TAOK1: variants seen among roughly 807,000 people sequenced by gnomAD.
TAOK1 encodes serine/threonine-protein kinase TAO1.
In TAOK1, 21 loss-of-function variants were observed where a neutral mutation model predicts 138.3. The observed-to-expected ratio is 0.15, with a 90% CI of 0.11 to 0.22. TAOK1 has a LOEUF of 0.22. Ranked by LOEUF, TAOK1 falls within the 10% of genes least tolerant of loss-of-function variation. The pLI, the probability that TAOK1 is intolerant of heterozygous loss-of-function variation, is 1.00. For synonymous variants in TAOK1, 361 were observed against 398.4 expected (o/e 0.91, Z 1.12); for missense variants, 651 against 1,227.7 (o/e 0.53, Z 7.02).
intron 14 of TAOK1, among the ~76,000 whole-genome samples, chr17:29,510,421 A>G (rs749071171): frequency 6.6e-6 from 1 of 152,212 alleles, no homozygotes; most frequent in East Asian, 1.9e-4. Context: ...AAAGATATGC[A>G]CCAAAATGTT....
intron 3 of TAOK1, 58 bp from the exon 4 acceptor site, chr17:29,475,612 A>G (rs563594248): frequency 1.7e-6 from 2 of 1,158,928 alleles, no homozygotes; most frequent in Admixed American, 4.3e-5. Flanking sequence ...TTTTATTCTT[A>G]TATAACTTTC....
chr17:29,519,553 C>G (rs368049684), intron 16 of TAOK1, among the ~76,000 whole-genome samples: 3 of 151,900 alleles, frequency 2.0e-5, no homozygotes, highest in East Asian at 3.9e-4. Flanking sequence ...AAAAATTATT[C>G]TCATTATTAG....
chr17:29,479,428 A>T (rs1046011500), intron 6 of TAOK1, among the ~76,000 whole-genome samples: 4 of 152,134 alleles, frequency 2.6e-5, no homozygotes, highest in African/African-American at 4.8e-5. Flanking sequence ...CAAGCTAGTA[A>T]ATAAGTGAGT....
intron 10 of TAOK1, among the ~76,000 whole-genome samples, chr17:29,494,825 C>CAAAAA (rs368548444): frequency 1.2e-4 from 6 of 48,248 alleles, no homozygotes; most frequent in South Asian, 6.4e-4. Context: ...GACTCCGTCT[C>CAAAAA]AAAAAAAAAA....
chr17:29,400,992 C>T (rs1904822977), intron 1 of TAOK1, among the ~76,000 whole-genome samples: 1 of 149,546 alleles, frequency 6.7e-6, no homozygotes, highest in Non-Finnish European at 1.5e-5. Flanking sequence ...TTCACTGCGG[C>T]CTCCACCTCC....
At chr17:29,516,331 G>T (rs753936727) in intron 15 of TAOK1, among the ~76,000 whole-genome samples, 1 of 151,484 alleles carries the variant, frequency 6.6e-6, no homozygotes, top group Non-Finnish European at 1.5e-5. Flanking sequence ...TGGGGTTTTC[G>T]TTGTGTTGTT....
chr17:29,423,377 G>T (rs933326390), intron 1 of TAOK1, among the ~76,000 whole-genome samples: 2 of 151,330 alleles, frequency 1.3e-5, no homozygotes, highest in Admixed American at 6.6e-5. Flanking sequence ...CACCACGCCC[G>T]GCTAATTTTT....
intron 19 of TAOK1, among the ~76,000 whole-genome samples, chr17:29,537,207 T>C (rs982477873): frequency 2.8e-4 from 42 of 152,176 alleles, no homozygotes; most frequent in African/African-American, 9.7e-4. Flanking sequence ...TTATTTAATA[T>C]CCTAACCAAA....
At chr17:29,471,146 A>G (rs1260156441) in intron 3 of TAOK1, among the ~76,000 whole-genome samples, 1 of 125,990 alleles carries the variant, frequency 7.9e-6, no homozygotes, top group East Asian at 3.4e-4. Context: ...CAACAACACA[A>G]GACTTCATCT....
chr17:29,489,712 A>G lies in TAOK1; in HGVS notation c.704A>G (p.Tyr235Cys). 6.2e-7 allele frequency: 1 copy of G among 1,610,998 alleles called. No individual in the cohort carries two copies. The highest frequency in any genetic ancestry group is 8.5e-7 in the Non-Finnish European group (1 of 1,178,768). The change falls in exon 9 of 20, where the codon TAT (tyrosine) becomes TGT (cysteine). Residue 235 changes from tyrosine to cysteine, a missense_variant. Tyr to Cys is a radical substitution (Grantham distance 194, BLOSUM62 -2). This residue lies in a region of TAOK1 where 20 missense variants were observed against 88.6 expected (regional missense o/e 0.23). Coordinates refer to ENST00000261716, the MANE Select transcript of TAOK1 (RefSeq NM_020791.4). ...AATATGAATGCAATGAGTGCCTTAT[A>G]TCACATAGCCCAAAATGAATCCCCT... ...LFNMNAMSALYHIAQNESPTL... is the reference protein window; with the variant it reads ...LFNMNAMSALCHIAQNESPTL...
At chr17:29,491,949 A>G (rs2031304053) in intron 10 of TAOK1, 84 bp downstream of exon 10, 1 of 1,013,014 alleles carries the variant, frequency 9.9e-7, no homozygotes, top group Non-Finnish European at 1.5e-6. Context: ...GCAGTGGCAC[A>G]ATCACGTCTC....
intron 2 of TAOK1, among the ~76,000 whole-genome samples, chr17:29,459,327 TTTA>T (rs529729351): frequency 5.1e-4 from 77 of 152,284 alleles, no homozygotes; most frequent in Non-Finnish European, 9.3e-4. Context: ...ATATAATTGT[TTTA>T]CATATATTGC....
At chr17:29,465,783 G>C (rs2030648316) in intron 2 of TAOK1, among the ~76,000 whole-genome samples, 1 of 113,514 alleles carries the variant, frequency 8.8e-6, no homozygotes, top group African/African-American at 3.3e-5. Context: ...TTTTTTGTGT[G>C]TATAGTGGGA....
intron 1 of TAOK1, among the ~76,000 whole-genome samples, chr17:29,433,615 G>A (rs964855123): frequency 6.6e-6 from 1 of 151,992 alleles, no homozygotes; most frequent in African/African-American, 2.4e-5. Context: ...GGGAAAAAAA[G>A]GGGAAATAGG....
In TAOK1 at chr17:29,507,837, T is replaced by G. The variant is rs72821453; in HGVS notation, c.1339-59T>G. 1.1e-5 allele frequency: 16 copies of G among 1,494,544 alleles called. No individual in the cohort carries two copies. The South Asian group carries it at 1.8e-4, about 17-fold the overall frequency. The allele number at this position is 1,494,544 out of a possible 1,614,324, so 92.6% of individuals were successfully genotyped here. On this transcript the variant is annotated intron_variant, in intron 13 of 19. Transcript: ENST00000261716. ...TTAGTTAATATAGAATTGTCTAAAATGCTTTTCGAAGAAGAATGTTTTATT... is the reference window on the plus strand; with the variant it reads ...TTAGTTAATATAGAATTGTCTAAAAGGCTTTTCGAAGAAGAATGTTTTATT...
intron 18 of TAOK1, among the ~76,000 whole-genome samples, chr17:29,532,140 G>A (rs557108527): frequency 2.0e-5 from 3 of 152,146 alleles, no homozygotes; most frequent in South Asian, 4.1e-4. Flanking sequence ...GATTACAGGC[G>A]TGAGCCACCG....
At chr17:29,478,469 T>G (rs2030992400) in intron 6 of TAOK1, 122 bp downstream of exon 6, 2 of 591,740 alleles carry the variant, frequency 3.4e-6, no homozygotes, top group Non-Finnish European at 5.4e-6. Flanking sequence ...AAGCTCATAT[T>G]TTTTTAGATT....
At chr17:29,478,181 C>G (rs1447618905) in intron 5 of TAOK1, 70 bp from the exon 6 acceptor site, 6 of 1,093,620 alleles carry the variant, frequency 5.5e-6, no homozygotes, top group Non-Finnish European at 6.4e-6. Context: ...AAAAATTGCC[C>G]CATGTATTAG....
intron 1 of TAOK1, among the ~76,000 whole-genome samples, chr17:29,423,249 T>G (rs1232423391): frequency 6.9e-6 from 1 of 145,836 alleles, no homozygotes; most frequent in Non-Finnish European, 1.5e-5. Context: ...AGACAGAGTC[T>G]CCCTCTGTCT....
Sources: allele counts gnomAD v4.1 joint callset (sites outside exome capture counted in the v4.1 genomes callset), GRCh38; gene constraint gnomAD v4.1.1; regional missense constraint gnomAD v4.1.1; transcripts MANE v1.5; gene names NCBI Gene and HGNC (gene_info 2026-07-23, HGNC 2026-07-21).